Variants in ITK observed in about 807,000 individuals in gnomAD.
ITK encodes tyrosine-protein kinase ITK/TSK.
A neutral mutation model predicts 87.6 loss-of-function variants in ITK; 45 were observed. That is an observed-to-expected ratio of 0.51 (90% CI 0.40 to 0.66). The LOEUF is 0.66. Ranked by LOEUF, ITK falls within the 30% of genes least tolerant of loss-of-function variation. The pLI, the probability that ITK is intolerant of heterozygous loss-of-function variation, is 0.00. For synonymous variants in ITK, 303 were observed against 273.6 expected (o/e 1.11, Z -1.06); for missense variants, 605 against 766.3 (o/e 0.79, Z 2.48).
At chr5:157,216,861 T>A (rs980296503) in intron 4 of ITK, among the ~76,000 whole-genome samples, 1 of 152,134 alleles carries the variant, frequency 6.6e-6, no homozygotes, top group Non-Finnish European at 1.5e-5. Flanking sequence ...CCCAGCCTAC[T>A]CTTTCTTGGC....
At chr5:157,196,621 T>G (rs1344021502) in intron 1 of ITK, among the ~76,000 whole-genome samples, 1 of 152,190 alleles carries the variant, frequency 6.6e-6, no homozygotes, top group Non-Finnish European at 1.5e-5. Context: ...TCCAAATCAT[T>G]TCCATTAAAA....
intron 5 of ITK, among the ~76,000 whole-genome samples, chr5:157,219,238 G>A (rs981902843): frequency 2.0e-5 from 3 of 151,330 alleles, no homozygotes; most frequent in Non-Finnish European, 4.4e-5. Flanking sequence ...TCAGCCTCCT[G>A]AGTAGCTGGG....
Position 157,234,607 on chromosome 5 carries a change from T to A in ITK, c.768+2213T>A, listed in dbSNP as rs1177774187. ...GAATTTGGGTTGGTAAAAGGATGAG[T>A]TCATGTCCTTTGCAGGGACATGGAT... On this transcript the variant is annotated intron_variant, in intron 8 of 16. Coordinates refer to ENST00000422843, the MANE Select transcript of ITK (RefSeq NM_005546.4). 2.0e-5 allele frequency among the ~76,000 whole-genome samples: 3 copies of A among 152,176 alleles called. No homozygotes were observed. The East Asian group carries it at 5.8e-4, about 29-fold the overall frequency.
intron 1 of ITK, among the ~76,000 whole-genome samples, chr5:157,187,616 C>T (rs1753671790): frequency 6.6e-6 from 1 of 152,130 alleles, no homozygotes; most frequent in Non-Finnish European, 1.5e-5. Context: ...GAGGAAGATT[C>T]AGATATTCAG....
intron 1 of ITK, among the ~76,000 whole-genome samples, chr5:157,204,372 G>T (rs992056574): frequency 6.6e-6 from 1 of 151,900 alleles, no homozygotes; most frequent in African/African-American, 2.4e-5. Flanking sequence ...GCCACCCTGG[G>T]CAACATGGTG....
At chr5:157,204,226 G>A (rs745803206) in intron 1 of ITK, among the ~76,000 whole-genome samples, 2 of 152,120 alleles carry the variant, frequency 1.3e-5, no homozygotes, top group African/African-American at 2.4e-5. Flanking sequence ...GGCTGCTCTC[G>A]AATTCTTGGG....
intron 12 of ITK, 138 bp downstream of exon 12, chr5:157,243,932 A>G: frequency 1.2e-6 from 1 of 819,046 alleles, no homozygotes; most frequent in Non-Finnish European, 2.1e-6. Flanking sequence ...CACAGAGAAT[A>G]CAATCAAACT....
intron 16 of ITK, among the ~76,000 whole-genome samples, chr5:157,250,050 C>G (rs575297039): frequency 5.7e-4 from 87 of 152,178 alleles, no homozygotes; most frequent in Non-Finnish European, 1.1e-3. Context: ...ACATTTGTTA[C>G]AATTAGTGAA....
In ITK at chr5:157,243,637, G is replaced by C. The variant is rs760908622; in HGVS notation, c.1075G>C (p.Asp359His). The C allele has an allele frequency of 1.2e-6, 2 of 1,612,382 alleles. No homozygotes were observed. The highest frequency in any genetic ancestry group is 1.7e-6 in the Non-Finnish European group (2 of 1,179,944). ...CTCTCTTCCAGGGAAATGGGTGATC[G>C]ACCCCTCAGAGCTCACTTTTGTGCA... ...AGLRYGKWVI[D>H]PSELTFVQEI... Residue 359 changes from aspartate to histidine, a missense_variant, in exon 12 of 17, where the codon GAC becomes CAC. By Grantham distance (81) the Asp-to-His change is moderately conservative. This residue lies in a region of ITK where 464 missense variants were observed against 578.0 expected (regional missense o/e 0.80). Coordinates refer to ENST00000422843, the MANE Select transcript of ITK (RefSeq NM_005546.4).
In ITK at chr5:157,241,702, A is replaced by G; in HGVS notation, c.1042A>G (p.Thr348Ala). ...VCFGRQKAPV[T>A]AGLRYGKWVI... is the part of the protein sequence containing the mutation. ...TTTTGGGAGGCAGAAAGCCCCAGTT[A>G]CAGCAGGGCTGAGATACGGTGAGCA... Residue 348 changes from threonine to alanine, a missense_variant, in exon 11 of 17, where the codon ACA (threonine) becomes GCA (alanine). By Grantham distance (58) the Thr-to-Ala change is moderately conservative. Coordinates refer to ENST00000422843, the MANE Select transcript of ITK (RefSeq NM_005546.4). 1 of 1,613,474 alleles carries G rather than the reference A, an allele frequency of 6.2e-7. No individual in the cohort carries two copies. The highest frequency in any genetic ancestry group is 8.5e-7 in the Non-Finnish European group (1 of 1,179,458).
intron 4 of ITK, 72 bp from the exon 5 acceptor site, chr5:157,217,795 T>C: frequency 1.5e-6 from 2 of 1,378,204 alleles, no homozygotes; most frequent in Admixed American, 1.7e-5. Context: ...AAAAACCCCC[T>C]GGCTGCTCAC....
At chr5:157,223,154 G>C (rs1015507956) in intron 6 of ITK, 140 bp downstream of exon 6, 3 of 1,067,608 alleles carry the variant, frequency 2.8e-6, no homozygotes, top group Non-Finnish European at 4.3e-6. Context: ...AAGGAAGAGG[G>C]AGGAAGAGGA....
At chr5:157,221,610 A>G (rs777784966) in intron 5 of ITK, among the ~76,000 whole-genome samples, 88 of 152,260 alleles carry the variant, frequency 5.8e-4, no homozygotes, top group Middle Eastern at 3.4e-3. Flanking sequence ...ATACATGTCC[A>G]GTGTGCCCCT....
In ITK at chr5:157,208,980, A is replaced by T; in HGVS notation, c.230A>T (p.Lys77Ile). The change falls in exon 2 of 17, where the codon AAA becomes ATA. Residue 77 changes from lysine (K) to isoleucine (I), a missense_variant. Lys to Ile is a moderately radical substitution (Grantham distance 102). Around this residue, in one of 3 missense-constraint regions of ITK, gnomAD observed 464 missense variants for 578.0 expected, o/e 0.80. Transcript: ENST00000422843. ...KSDISIPCHY[K>I]YPFQVVHDNY... ...GACATCAGCATCCCATGCCACTATAAATACCCGTTTCAGGTAAGTCCATCA... is the reference window on the plus strand; with the variant it reads ...GACATCAGCATCCCATGCCACTATATATACCCGTTTCAGGTAAGTCCATCA... The T allele has an allele frequency of 6.2e-7, 1 of 1,611,388 alleles. No individual in the cohort carries two copies. Among genetic ancestry groups the T allele is most frequent in the Non-Finnish European group, 8.5e-7 (1 of 1,177,552 alleles).
intron 6 of ITK, among the ~76,000 whole-genome samples, chr5:157,227,901 G>T (rs1754569253): frequency 7.0e-6 from 1 of 143,106 alleles, no homozygotes; most frequent in African/African-American, 2.7e-5. Flanking sequence ...CACGATCTCG[G>T]CTCACTGCAC....
intron 1 of ITK, among the ~76,000 whole-genome samples, chr5:157,201,422 C>T (rs749970148): frequency 4.6e-5 from 7 of 151,676 alleles, no homozygotes; most frequent in South Asian, 2.1e-4. Flanking sequence ...CTCAGCCTCC[C>T]GAGCAGCTGG....
chr5:157,252,236 T>G (rs1755155613), intron 16 of ITK, among the ~76,000 whole-genome samples: 2 of 152,242 alleles, frequency 1.3e-5, no homozygotes, highest in Non-Finnish European at 2.9e-5. Flanking sequence ...ATATTTCATT[T>G]TTTGGTGTTC....
chr5:157,212,745 G>A (rs772812569), intron 3 of ITK, among the ~76,000 whole-genome samples: 3 of 152,044 alleles, frequency 2.0e-5, no homozygotes, highest in Admixed American at 1.3e-4. Flanking sequence ...CCAGCTACCC[G>A]GGAGGCTGAG....
In ITK at chr5:157,254,590, T is replaced by G. The variant is rs1755214457; in HGVS notation, c.*1912T>G. 9.2e-6 allele frequency: 2 copies of G among 218,420 alleles called. No individual in the cohort carries two copies. The highest frequency in any genetic ancestry group is 2.2e-5 in the African/African-American group (1 of 44,482). 13.5% of individuals were successfully genotyped at this position (218,420 alleles called of 1,614,324 possible). A position where few individuals can be genotyped will look rare whatever the true frequency, so the allele number is the denominator to read the frequency against. The stretch of plus-strand genomic sequence containing the variant: ...CAGATGCATAATTTTTAATTATAAT[T>G]ATTGTGAAGTGGAGAGCCTCAAGAT... On this transcript the variant is annotated 3_prime_UTR_variant, in exon 17 of 17. Transcript: ENST00000422843.
Sources: gnomAD v4.1 joint callset for allele counts (sites outside exome capture counted in the v4.1 genomes callset) on GRCh38, gnomAD v4.1.1 for gene constraint, gnomAD v4.1.1 regional missense constraint, MANE v1.5 for transcripts, NCBI Gene and HGNC (gene_info 2026-07-23, HGNC 2026-07-21) for gene names.